NRXN1: variants seen among roughly 807,000 people sequenced by gnomAD.
NRXN1 encodes the protein neurexin 1, also known as neurexin-1.
NRXN1 carries 39 observed loss-of-function variants against 150.9 expected under a neutral mutation model. The ratio of observed to expected loss-of-function variants is 0.26; its 90% confidence interval spans 0.20 to 0.34. The LOEUF is 0.34. NRXN1 is among the 10% of genes least tolerant of loss of function. The pLI, the probability that NRXN1 is intolerant of heterozygous loss-of-function variation, is 1.00. For missense variants in NRXN1, 1,815 were observed against 1,949.9 expected (o/e 0.93, Z 1.30); for synonymous variants, 924 against 757.0 (o/e 1.22, Z -3.62).
chr2:50,965,120 T>C (rs947510341), intron 2 of NRXN1, among the ~76,000 whole-genome samples: 3 of 151,388 alleles, frequency 2.0e-5, no homozygotes, highest in African/African-American at 4.8e-5. Context: ...CCTCAAATAC[T>C]ATGAAACTTA....
At chr2:50,541,319 G>A (rs912910649) in intron 9 of NRXN1, among the ~76,000 whole-genome samples, 8 of 152,118 alleles carry the variant, frequency 5.3e-5, no homozygotes, top group African/African-American at 1.9e-4. Context: ...GGACTCCTGA[G>A]TCGAGGAAAT....
chr2:50,524,568 G>A (rs983561154), intron 12 of NRXN1, among the ~76,000 whole-genome samples: 3 of 151,662 alleles, frequency 2.0e-5, no homozygotes, highest in Non-Finnish European at 4.4e-5. Flanking sequence ...GAACAAGAAG[G>A]TCATTCCGTA....
intron 18 of NRXN1, among the ~76,000 whole-genome samples, chr2:50,181,657 T>A (rs966171627): frequency 2.6e-5 from 4 of 152,100 alleles, no homozygotes; most frequent in Admixed American, 6.6e-5. Flanking sequence ...GATACACAAA[T>A]AAATATGCTC....
At chr2:49,942,392 A>G (rs1672135423) in intron 22 of NRXN1, among the ~76,000 whole-genome samples, 2 of 152,148 alleles carry the variant, frequency 1.3e-5, no homozygotes, top group African/African-American at 2.4e-5. Flanking sequence ...TCAAATATTC[A>G]AAACGAGATG....
intron 17 of NRXN1, among the ~76,000 whole-genome samples, chr2:50,452,818 T>C (rs1232198924): frequency 6.6e-6 from 1 of 152,282 alleles, no homozygotes; most frequent in Middle Eastern, 3.4e-3. Context: ...TCTATATAAA[T>C]TATCAGGCTA....
intron 19 of NRXN1, among the ~76,000 whole-genome samples, chr2:50,057,250 C>T (rs1389424746): frequency 6.6e-6 from 1 of 152,138 alleles, no homozygotes; most frequent in Non-Finnish European, 1.5e-5. Flanking sequence ...TCTTTTTATC[C>T]TTATGAGACT....
intron 5 of NRXN1, among the ~76,000 whole-genome samples, chr2:50,677,606 T>C (rs1230097651): frequency 1.3e-5 from 2 of 152,136 alleles, no homozygotes; most frequent in Non-Finnish European, 2.9e-5. Context: ...GATTTTTTTT[T>C]TACCTCAACT....
intron 2 of NRXN1, among the ~76,000 whole-genome samples, chr2:50,967,876 A>C (rs997426635): frequency 6.6e-6 from 1 of 152,048 alleles, no homozygotes; most frequent in African/African-American, 2.4e-5. Flanking sequence ...CAGTAGGCTA[A>C]AATTATGAAT....
chr2:50,870,706 C>A (rs1559374794), intron 5 of NRXN1, among the ~76,000 whole-genome samples: 1 of 151,916 alleles, frequency 6.6e-6, no homozygotes, highest in Admixed American at 6.6e-5. Context: ...GAAACATTTT[C>A]CCCTTTCCTG....
intron 8 of NRXN1, among the ~76,000 whole-genome samples, chr2:50,562,503 C>T (rs572956987): frequency 6.6e-6 from 1 of 152,088 alleles, no homozygotes; most frequent in Non-Finnish European, 1.5e-5. Context: ...AAAAAAATTT[C>T]TCCAAGAGAG....
chr2:50,196,916 G>A (rs1489394189), intron 18 of NRXN1, among the ~76,000 whole-genome samples: 1 of 152,132 alleles, frequency 6.6e-6, no homozygotes, highest in Non-Finnish European at 1.5e-5. Context: ...TGAGGGTGGA[G>A]GGTGGGAGGA....
At chr2:50,857,646 G>C (rs1296301967) in intron 5 of NRXN1, among the ~76,000 whole-genome samples, 1 of 152,066 alleles carries the variant, frequency 6.6e-6, no homozygotes, top group Admixed American at 6.6e-5. Context: ...TGCCCCATGA[G>C]TTTATAATTC....
At chr2:50,624,980 A>G (rs1680745422) in intron 5 of NRXN1, 1 of 152,052 alleles carries the variant, frequency 6.6e-6, no homozygotes, top group African/African-American at 2.4e-5. Context: ...GTGCCAAGAA[A>G]AATGAGACAG....
At chr2:51,003,654 T>G (rs1428351511) in intron 2 of NRXN1, among the ~76,000 whole-genome samples, 1 of 151,998 alleles carries the variant, frequency 6.6e-6, no homozygotes, top group Non-Finnish European at 1.5e-5. Flanking sequence ...ATGTAGCTTA[T>G]TTGCCTCTGA....
chr2:50,758,523 G>A (rs931140554), intron 5 of NRXN1, among the ~76,000 whole-genome samples: 7 of 151,816 alleles, frequency 4.6e-5, no homozygotes, highest in Non-Finnish European at 8.8e-5. Context: ...ACGCAGGCTG[G>A]ACTTAAACTC....
intron 17 of NRXN1, among the ~76,000 whole-genome samples, chr2:50,348,807 T>TA (rs1558575523): frequency 6.6e-6 from 1 of 151,538 alleles, no homozygotes; most frequent in Non-Finnish European, 1.5e-5. Flanking sequence ...CAAAAGATGA[T>TA]AAAAAACTAT....
intron 21 of NRXN1, among the ~76,000 whole-genome samples, chr2:49,984,319 T>C (rs1441621943): frequency 6.6e-6 from 1 of 152,190 alleles, no homozygotes; most frequent in Non-Finnish European, 1.5e-5. Context: ...AGCCACATTT[T>C]AGCCTTCATT....
intron 17 of NRXN1, among the ~76,000 whole-genome samples, chr2:50,289,309 C>T (rs1269294333): frequency 2.0e-5 from 3 of 152,122 alleles, no homozygotes; most frequent in Non-Finnish European, 2.9e-5. Context: ...CTGTTAGGTG[C>T]CCTTCTCACA....
At position 50,504,625 on chromosome 2, in the gene NRXN1, C is replaced by A. The variant is rs185732251; in HGVS notation, c.2497+1870G>T. 1.8e-3 allele frequency among the ~76,000 whole-genome samples: 270 copies of A among 152,314 alleles called. 1 individual carries two copies. Among genetic ancestry groups the A allele is most frequent in the African/African-American group, 6.2e-3 (259 of 41,588 alleles). The stretch of plus-strand genomic sequence containing the variant: ...TTTTGTTTTCATCCTGCTACATCCA[C>A]CGCAGTACAGGACTTATTACTTTAC... On this transcript the variant is annotated intron_variant, in intron 13 of 22. Coordinates refer to ENST00000401669, the MANE Select transcript of NRXN1 (RefSeq NM_001330078.2).
Sources: gnomAD v4.1 joint callset for allele counts (sites outside exome capture counted in the v4.1 genomes callset) on GRCh38, gnomAD v4.1.1 for gene constraint, MANE v1.5 for transcripts, NCBI Gene and HGNC (gene_info 2026-07-23, HGNC 2026-07-21) for gene names.